The following NAV3 variants were observed in gnomAD, a reference collection of about 807,000 sequenced individuals.
The protein encoded by NAV3 is pore membrane and/or filament interacting like protein 1.
In NAV3, 87 loss-of-function variants were observed where a neutral mutation model predicts 244.7. That is an observed-to-expected ratio of 0.36 (90% CI 0.30 to 0.42). NAV3 has a LOEUF of 0.42. NAV3 is among the 20% of genes least tolerant of loss of function. NAV3 has a pLI of 1.00. For synonymous variants in NAV3, 1,126 were observed against 1,042.2 expected (o/e 1.08, Z -1.55); for missense variants, 2,663 against 2,893.3 (o/e 0.92, Z 1.83).
intron 2 of NAV3, among the ~76,000 whole-genome samples, chr12:77,681,690 G>A (rs1874476002): frequency 6.6e-6 from 1 of 152,040 alleles, no homozygotes; most frequent in Admixed American, 6.6e-5. Context: ...ATTTCCAAAA[G>A]CAAGACTCAC....
At chr12:77,635,694 TAAC>T (rs1872124999) in intron 2 of NAV3, among the ~76,000 whole-genome samples, 1 of 152,172 alleles carries the variant, frequency 6.6e-6, no homozygotes, top group Non-Finnish European at 1.5e-5. Context: ...AAACTAATAA[TAAC>T]AGCTAACATT....
chr12:77,662,511 G>T (rs1193120720), intron 2 of NAV3, among the ~76,000 whole-genome samples: 1 of 151,700 alleles, frequency 6.6e-6, no homozygotes, highest in Non-Finnish European at 1.5e-5. Context: ...TAAAAAAAAA[G>T]TCTAATTCTG....
At chr12:77,841,470 A>G (rs923678985) in intron 1 of NAV3, among the ~76,000 whole-genome samples, 6 of 152,198 alleles carry the variant, frequency 3.9e-5, no homozygotes, top group Non-Finnish European at 8.8e-5. Context: ...TCTATAACAG[A>G]TAAAACCTAG....
chr12:77,572,919 G>A (rs972572925), intron 2 of NAV3, among the ~76,000 whole-genome samples: 3 of 152,136 alleles, frequency 2.0e-5, no homozygotes, highest in African/African-American at 7.2e-5. Context: ...TAGCTTTTTA[G>A]AAACTCTTAC....
chr12:77,886,525 C>T (rs983848550), intron 1 of NAV3, among the ~76,000 whole-genome samples: 3 of 152,216 alleles, frequency 2.0e-5, no homozygotes, highest in East Asian at 1.9e-4. Flanking sequence ...GCAAATTGGT[C>T]TTGAATGTCA....
chr12:78,054,294 T>C (rs1202074769), intron 11 of NAV3, among the ~76,000 whole-genome samples: 1 of 152,132 alleles, frequency 6.6e-6, no homozygotes, highest in Non-Finnish European at 1.5e-5. Flanking sequence ...GGACAGTGGA[T>C]TAGATGATAT....
intron 5 of NAV3, among the ~76,000 whole-genome samples, chr12:77,975,035 A>G (rs1015952622): frequency 1.3e-5 from 2 of 152,184 alleles, no homozygotes; most frequent in African/African-American, 4.8e-5. Context: ...TTAATTAAAT[A>G]TATGAAAATA....
rs1958815055 is a variant in NAV3, at chr12:78,188,252, A to C, written c.5795A>C (p.Gln1932Pro). Residue 1932 changes from glutamine (Q) to proline (P), a missense_variant, in exon 32 of 40, where the codon CAA (glutamine) becomes CCA (proline). Transcript: ENST00000397909. Reference sequence around the variant, plus strand: ...CTTTATTTTGTTCTTATTTAGGACCAAAAATCTCAGGCATATTTGATAGGA... The same window carrying C: ...CTTTATTTTGTTCTTATTTAGGACCCAAAATCTCAGGCATATTTGATAGGA... ...ISKGYGRAKD[Q>P]KSQAYLIGSI... 3 of 1,608,014 alleles carry C rather than the reference A, an allele frequency of 1.9e-6. No homozygotes were observed. In the South Asian group the frequency reaches 3.3e-5, roughly 18 times the overall value.
intron 8 of NAV3, among the ~76,000 whole-genome samples, chr12:78,007,816 C>A (rs1192670021): frequency 6.6e-6 from 1 of 152,140 alleles, no homozygotes. Context: ...ACTTTTACAT[C>A]GTTTACGGTT....
At chr12:77,614,214 T>C (rs933613336) in intron 2 of NAV3, among the ~76,000 whole-genome samples, 2 of 151,402 alleles carry the variant, frequency 1.3e-5, no homozygotes, top group African/African-American at 2.4e-5. Context: ...CAGATGTTAG[T>C]AGCACAACCC....
rs185431637 is a variant in NAV3, at chr12:77,641,673, G to A, written c.72+69407G>A. 2.6e-3 allele frequency among the ~76,000 whole-genome samples: 400 copies of A among 152,086 alleles called. 2 individuals are homozygous for A. Among genetic ancestry groups the A allele is most frequent in the African/African-American group, 9.2e-3 (381 of 41,528 alleles). On this transcript the variant is annotated intron_variant, in intron 2 of 8. Coordinates refer to the NAV3 transcript ENST00000550042. ...TTTCCTGGCTTCTATTTCATGGGAA[G>A]TATTTATGAATACATAACAAGAGGT...
At chr12:78,172,424 G>A (rs547833649) in intron 24 of NAV3, among the ~76,000 whole-genome samples, 4 of 151,620 alleles carry the variant, frequency 2.6e-5, no homozygotes, top group East Asian at 1.9e-4. Flanking sequence ...AAATAGATAC[G>A]GTCTTTGTCT....
intron 1 of NAV3, among the ~76,000 whole-genome samples, chr12:77,874,759 A>T (rs1308341694): frequency 6.6e-6 from 1 of 152,164 alleles, no homozygotes; most frequent in Non-Finnish European, 1.5e-5. Flanking sequence ...GCACTAGATT[A>T]CCATCTTTCA....
At chr12:78,209,092 A>G (rs761414614) in intron 39 of NAV3, among the ~76,000 whole-genome samples, 11 of 152,162 alleles carry the variant, frequency 7.2e-5, no homozygotes, top group Non-Finnish European at 1.6e-4. Flanking sequence ...TATGTAGCTT[A>G]TTTAATAAAT....
intron 25 of NAV3, among the ~76,000 whole-genome samples, chr12:78,175,996 C>T (rs1565762037): frequency 6.6e-6 from 1 of 151,956 alleles, no homozygotes; most frequent in African/African-American, 2.4e-5. Flanking sequence ...TTGGAATCGA[C>T]AGGGCTTACC....
At position 77,759,278 on chromosome 12, in the gene NAV3, G is replaced by A. The variant is rs111768576; in HGVS notation, c.73-181041G>A. On this transcript the variant is annotated intron_variant, in intron 2 of 8. Coordinates refer to the NAV3 transcript ENST00000550042. ...CCTGTATACTAGAACTGTAGTAGTT[G>A]CCTTACAAATATTATTTAGCTCTTC... 3.0e-3 allele frequency among the ~76,000 whole-genome samples: 450 copies of A among 152,234 alleles called. 1 individual carries two copies. The highest frequency in any genetic ancestry group is 4.8e-3 in the Non-Finnish European group (326 of 68,010).
intron 8 of NAV3, among the ~76,000 whole-genome samples, chr12:78,009,727 A>G (rs1874924808): frequency 6.6e-6 from 1 of 152,290 alleles, no homozygotes; most frequent in South Asian, 2.1e-4. Flanking sequence ...CACATAGTAA[A>G]CAGCCTTCCC....
chr12:77,814,165 C>T (rs572819931), intron 2 of NAV3, among the ~76,000 whole-genome samples: 1 of 152,068 alleles, frequency 6.6e-6, no homozygotes, highest in Non-Finnish European at 1.5e-5. Flanking sequence ...TGCCAGAGTT[C>T]CTCAGGCACT....
Position 77,733,996 on chromosome 12 carries a change from G to A in NAV3, c.72+161730G>A, listed in dbSNP as rs574528706. ...GAAAGGTAAGTCAAGATTTTTGTTT[G>A]TTTGTTTGTTTCAGGATCAGAGAGA... is the stretch of plus-strand genomic sequence containing the variant. On this transcript the variant is annotated intron_variant, in intron 2 of 8. Coordinates refer to the NAV3 transcript ENST00000550042. 2.6e-5 allele frequency among the ~76,000 whole-genome samples: 4 copies of A among 151,922 alleles called. No individual in the cohort carries two copies. The South Asian group carries it at 8.3e-4, about 31-fold the overall frequency.
Sources: gnomAD v4.1 joint callset for allele counts (sites outside exome capture counted in the v4.1 genomes callset) on GRCh38, gnomAD v4.1.1 for gene constraint, MANE v1.5 for transcripts, NCBI Gene and HGNC (gene_info 2026-07-23, HGNC 2026-07-21) for gene names.